The following SYTL3 variants were observed in gnomAD, a reference collection of about 807,000 sequenced individuals.
SYTL3 encodes synaptotagmin-like protein 3.
SYTL3 carries 88 observed loss-of-function variants against 82.1 expected under a neutral mutation model. That is an observed-to-expected ratio of 1.07 (90% CI 0.90 to 1.28). The LOEUF is 1.28. Among genes scored for constraint, SYTL3 ranks in the 50% most tolerant of loss-of-function variants. SYTL3 has a pLI of 0.00. For synonymous variants in SYTL3, 311 were observed against 289.4 expected (o/e 1.07, Z -0.76); for missense variants, 831 against 757.6 (o/e 1.10, Z -1.14).
chr6:158,674,104 A>AATAAT (rs386409111), intron 5 of SYTL3, among the ~76,000 whole-genome samples: 9 of 142,586 alleles, frequency 6.3e-5, no homozygotes, highest in Admixed American at 2.1e-4. Context: ...TAATAATAAT[A>AATAAT]ATAATAATAA....
At chr6:158,677,610 C>T (rs934521270) in intron 5 of SYTL3, among the ~76,000 whole-genome samples, 14 of 143,392 alleles carry the variant, frequency 9.8e-5, no homozygotes, top group Non-Finnish European at 1.8e-4. Context: ...GAGGCTGAGG[C>T]GGAAGAATCA....
intron 12 of SYTL3, among the ~76,000 whole-genome samples, chr6:158,747,498 G>A (rs568219360): frequency 2.6e-4 from 39 of 152,284 alleles, no homozygotes; most frequent in African/African-American, 8.9e-4. Context: ...CTGAGTAGCT[G>A]GGACTACAGG....
At chr6:158,657,424 T>TA (rs1788808900) in intron 2 of SYTL3, among the ~76,000 whole-genome samples, 1 of 25,544 alleles carries the variant, frequency 3.9e-5, no homozygotes, top group African/African-American at 1.7e-4. Context: ...AGACTCTGGC[T>TA]CAAAAAAAAA....
chr6:158,763,989 C>T (rs963430183), intron 17 of SYTL3, among the ~76,000 whole-genome samples: 2 of 152,138 alleles, frequency 1.3e-5, no homozygotes, highest in African/African-American at 4.8e-5. Context: ...GTGTCCCTGA[C>T]ATGATGACAA....
intron 5 of SYTL3, among the ~76,000 whole-genome samples, chr6:158,680,347 A>G (rs1778521037): frequency 6.6e-6 from 1 of 152,120 alleles, no homozygotes; most frequent in Non-Finnish European, 1.5e-5. Context: ...TGAGTTTCTG[A>G]CTTTATGGAT....
chr6:158,763,303 G>T lies in SYTL3; in HGVS notation c.1518-1G>T. ...TTGCAGGGTTTGTGTTCCCTCTTCAGCTGTCTCACTCTGCCAGACCAACAA... is the reference window on the plus strand; with the variant it reads ...TTGCAGGGTTTGTGTTCCCTCTTCATCTGTCTCACTCTGCCAGACCAACAA... On this transcript the variant is annotated splice_acceptor_variant, in intron 16 of 17. Coordinates refer to ENST00000611299, the MANE Select transcript of SYTL3 (RefSeq NM_001242394.2). LOFTEE classifies it high-confidence loss of function. The T allele has an allele frequency of 6.2e-7, 1 of 1,614,094 alleles. No individual in the cohort carries two copies. The highest frequency in any genetic ancestry group is 8.5e-7 in the Non-Finnish European group (1 of 1,179,994).
In SYTL3 at chr6:158,655,907, A is replaced by T. The variant is rs111510573; in HGVS notation, c.-637+4065A>T. Among the ~76,000 whole-genome samples, 725 of 152,284 alleles carry T rather than the reference A, an allele frequency of 4.8e-3. 4 individuals carry two copies. The highest frequency in any genetic ancestry group is 0.016 in the African/African-American group (665 of 41,566). ...CATGACTGTCCCCATCTCTTGCCTC[A>T]TTGGGCAGAAGGAAGAGTGGGGCCG... is the stretch of plus-strand genomic sequence containing the variant. On this transcript the variant is annotated intron_variant, in intron 2 of 17. Coordinates refer to ENST00000611299, the MANE Select transcript of SYTL3 (RefSeq NM_001242394.2).
upstream of SYTL3, among the ~76,000 whole-genome samples, chr6:158,646,385 G>A (rs1787461283): frequency 6.6e-6 from 1 of 152,158 alleles, no homozygotes; most frequent in Non-Finnish European, 1.5e-5. Context: ...GCCCAGGCAG[G>A]TCTCAAACTC....
Position 158,713,681 on chromosome 6 carries a change from C to T in SYTL3, c.517-119C>T, listed in dbSNP as rs1562411387. ...CCCACCTGCACCCCCAGCACCACGC[C>T]CACACTCACTCGCACACACCCACAT... On this transcript the variant is annotated intron_variant, in intron 8 of 17. Transcript: ENST00000611299. 1.1e-5 allele frequency: 8 copies of T among 736,818 alleles called. No individual in the cohort carries two copies. The East Asian group carries it at 2.2e-4, about 20-fold the overall frequency. 45.6% of individuals were successfully genotyped at this position (736,818 alleles called of 1,614,324 possible).
intron 4 of SYTL3, 93 bp downstream of exon 4, chr6:158,663,471 C>T: frequency 6.5e-7 from 1 of 1,531,696 alleles, no homozygotes; most frequent in Non-Finnish European, 8.8e-7. Context: ...GCTTACAAAT[C>T]ACTACCCACC....
intron 17 of SYTL3, 26 bp downstream of exon 17, chr6:158,763,535 C>T (rs1373177629): frequency 8.2e-6 from 13 of 1,591,646 alleles, no homozygotes; most frequent in East Asian, 2.2e-5. Flanking sequence ...TGAGCCCAAA[C>T]GTTTATACTT....
Position 158,655,061 on chromosome 6 carries a change from G to T in SYTL3, c.-637+3219G>T, listed in dbSNP as rs568698038. Among the ~76,000 whole-genome samples the T allele has an allele frequency of 5.3e-5, 8 of 152,314 alleles. No individual in the cohort carries two copies. In the South Asian group the frequency reaches 1.5e-3, roughly 28 times the overall value. ...ATCATAGAGCATTTAAGATCTTGTT[G>T]AGCAAATGATGGAGTGACCGAATAA... is the stretch of plus-strand genomic sequence containing the variant. On this transcript the variant is annotated intron_variant, in intron 2 of 17. Transcript: ENST00000611299.
intron 6 of SYTL3, among the ~76,000 whole-genome samples, chr6:158,691,565 A>T (rs879896177): frequency 6.6e-6 from 1 of 152,078 alleles, no homozygotes; most frequent in Non-Finnish European, 1.5e-5. Context: ...CACCTCTTTT[A>T]CTTTTTTTCT....
chr6:158,666,874 G>A (rs571398604), intron 5 of SYTL3, among the ~76,000 whole-genome samples: 4 of 152,288 alleles, frequency 2.6e-5, no homozygotes, highest in East Asian at 3.9e-4. Context: ...ACTGCATTCC[G>A]TCCATTTCGC....
At chr6:158,672,910 C>T (rs1036938929) in intron 5 of SYTL3, among the ~76,000 whole-genome samples, 5 of 152,096 alleles carry the variant, frequency 3.3e-5, no homozygotes, top group Non-Finnish European at 7.4e-5. Context: ...GCTGGAATTT[C>T]AGGCGTGAGC....
intron 11 of SYTL3, among the ~76,000 whole-genome samples, chr6:158,734,794 A>C (rs372814250): frequency 6.6e-6 from 1 of 152,108 alleles, no homozygotes; most frequent in East Asian, 1.9e-4. Context: ...GGCCTCAATA[A>C]ATGTTTGTTG....
At chr6:158,764,258 C>G (rs1042025488) in intron 17 of SYTL3, among the ~76,000 whole-genome samples, 42 of 152,214 alleles carry the variant, frequency 2.8e-4, no homozygotes, top group African/African-American at 9.9e-4. Context: ...CACTTTCAAA[C>G]TACAGAACTC....
In SYTL3 at chr6:158,760,174, C is replaced by T. The variant is rs562036426; in HGVS notation, c.1309-466C>T. 7.2e-5 allele frequency among the ~76,000 whole-genome samples: 11 copies of T among 152,194 alleles called. No individual in the cohort carries two copies. In the Middle Eastern group the frequency reaches 0.01, roughly 141 times the overall value. On this transcript the variant is annotated intron_variant, in intron 14 of 17. Coordinates refer to ENST00000611299, the MANE Select transcript of SYTL3 (RefSeq NM_001242394.2). The stretch of plus-strand genomic sequence containing the variant: ...CTCAGACTCACCACACCCTGAGGGG[C>T]CACCCCCTGTGGCTCTGGACAGAGA...
chr6:158,715,793 G>A (rs138278746), intron 9 of SYTL3, among the ~76,000 whole-genome samples: 9 of 152,060 alleles, frequency 5.9e-5, no homozygotes, highest in Non-Finnish European at 8.8e-5. Context: ...CCCTTCTCCC[G>A]TCTCTGCCAC....
Sources: gnomAD v4.1 joint callset for allele counts (sites outside exome capture counted in the v4.1 genomes callset) on GRCh38, gnomAD v4.1.1 for gene constraint, MANE v1.5 for transcripts, NCBI Gene and HGNC (gene_info 2026-07-23, HGNC 2026-07-21) for gene names.